The following STAC variants were observed in gnomAD, a reference collection of about 807,000 sequenced individuals.
STAC encodes SH3 and cysteine-rich domain-containing protein.
Under a neutral mutation model 48.8 loss-of-function variants are expected in STAC, and 43 were observed. The observed-to-expected ratio is 0.88, with a 90% CI of 0.69 to 1.14. STAC has a LOEUF of 1.14. Among genes scored for constraint, STAC ranks in the 50% most tolerant of loss-of-function variants. The pLI is 0.00. For missense variants in STAC, 497 were observed against 504.0 expected (o/e 0.99, Z 0.13); for synonymous variants, 193 against 179.5 (o/e 1.07, Z -0.60).
rs375874229 is a variant in STAC at position 36,452,385 on chromosome 3, A to G, written c.388+8745A>G. On this transcript the variant is annotated intron_variant, in intron 2 of 10. Coordinates refer to ENST00000273183, the MANE Select transcript of STAC (RefSeq NM_003149.3). Reference sequence around the variant, plus strand: ...CTTATGGCATTGTCTAAAGGGGTAAAGGAGACAGGTTGTGTAATGCAGTCA... The same window carrying G: ...CTTATGGCATTGTCTAAAGGGGTAAGGGAGACAGGTTGTGTAATGCAGTCA... Among the ~76,000 whole-genome samples the G allele has an allele frequency of 5.9e-5, 9 of 152,258 alleles. No homozygotes were observed. The East Asian group carries it at 1.7e-3, about 29-fold the overall frequency.
chr3:36,393,287 C>T (rs1699790115), intron 1 of STAC, among the ~76,000 whole-genome samples: 1 of 152,110 alleles, frequency 6.6e-6, no homozygotes, highest in South Asian at 2.1e-4. Flanking sequence ...CCCTCAACTC[C>T]CTTGCTCCTG....
At chr3:36,489,963 A>T (rs957481835) in intron 5 of STAC, among the ~76,000 whole-genome samples, 2 of 152,252 alleles carry the variant, frequency 1.3e-5, no homozygotes, top group African/African-American at 2.4e-5. Context: ...GTCTCTCAGA[A>T]CTGCAAAATC....
chr3:36,520,293 T>G (rs1404283283), intron 8 of STAC, among the ~76,000 whole-genome samples: 19 of 152,292 alleles, frequency 1.2e-4, no homozygotes, highest in Non-Finnish European at 2.9e-5. Context: ...GAGAGTCAAA[T>G]CCTACTTGGA....
chr3:36,431,939 T>C (rs573393427), intron 1 of STAC, among the ~76,000 whole-genome samples: 11 of 152,356 alleles, frequency 7.2e-5, no homozygotes, highest in Non-Finnish European at 1.6e-4. Context: ...GATTGGTCCT[T>C]GGAACCATCT....
intron 8 of STAC, among the ~76,000 whole-genome samples, chr3:36,521,463 C>T (rs1041436177): frequency 6.6e-6 from 1 of 152,114 alleles, no homozygotes; most frequent in Non-Finnish European, 1.5e-5. Context: ...ATCTCCATTA[C>T]AATCAGCCAC....
intron 8 of STAC, among the ~76,000 whole-genome samples, chr3:36,514,211 T>C (rs1449165028): frequency 8.4e-6 from 1 of 119,116 alleles, no homozygotes; most frequent in African/African-American, 3.4e-5. Flanking sequence ...CTTCTTTTTT[T>C]TTTTTTTTTT....
chr3:36,464,726 T>C (rs571802849), intron 2 of STAC, among the ~76,000 whole-genome samples: 19 of 152,284 alleles, frequency 1.2e-4, no homozygotes, highest in African/African-American at 4.6e-4. Context: ...CATTCCTGAG[T>C]TATTGGAACA....
intron 8 of STAC, among the ~76,000 whole-genome samples, chr3:36,520,153 T>C (rs1352923409): frequency 6.6e-6 from 1 of 152,154 alleles, no homozygotes; most frequent in Non-Finnish European, 1.5e-5. Context: ...ATCTCAGAGG[T>C]TACCCAAGCA....
At chr3:36,445,519 G>C (rs1465180829) in intron 2 of STAC, among the ~76,000 whole-genome samples, 2 of 152,106 alleles carry the variant, frequency 1.3e-5, no homozygotes, top group Non-Finnish European at 2.9e-5. Context: ...AAGAGGAAAA[G>C]AAATGGAGAT....
chr3:36,387,284 A>C (rs1055024881), intron 1 of STAC, among the ~76,000 whole-genome samples: 24 of 152,060 alleles, frequency 1.6e-4, no homozygotes, highest in African/African-American at 5.8e-4. Context: ...CCACGTAGAC[A>C]TCAAAACCAA....
intron 2 of STAC, among the ~76,000 whole-genome samples, chr3:36,448,689 G>A (rs983488624): frequency 1.3e-5 from 2 of 152,136 alleles, no homozygotes; most frequent in African/African-American, 4.8e-5. Flanking sequence ...CTGGAAGAAC[G>A]TTTAAACTCA....
At chr3:36,486,372 CACCTGCCAAAGAGA>C in intron 5 of STAC, 123 bp downstream of exon 5, 1 of 771,998 alleles carries the variant, frequency 1.3e-6, no homozygotes, top group Non-Finnish European at 2.0e-6. Flanking sequence ...GGGAGTCAGG[CACCTGCCAAAGAGA>C]AACCCAAAGT....
chr3:36,440,006 G>T (rs1202840870), intron 1 of STAC, among the ~76,000 whole-genome samples: 1 of 152,184 alleles, frequency 6.6e-6, no homozygotes, highest in Non-Finnish European at 1.5e-5. Flanking sequence ...AGAGGGAAAG[G>T]GACAAAAGTC....
At chr3:36,477,840 C>A (rs1200803864) in intron 2 of STAC, among the ~76,000 whole-genome samples, 1 of 152,130 alleles carries the variant, frequency 6.6e-6, no homozygotes, top group Non-Finnish European at 1.5e-5. Flanking sequence ...TGAGCTAGCC[C>A]CATGTTTTCG....
At chr3:36,380,826 C>T (rs1699493594) in intron 1 of STAC, 72 bp downstream of exon 1, 3 of 1,238,234 alleles carry the variant, frequency 2.4e-6, no homozygotes, top group South Asian at 1.4e-5. Context: ...TTTGTCTCTC[C>T]TCCTATCTAG....
intron 10 of STAC, among the ~76,000 whole-genome samples, chr3:36,535,999 G>A (rs2125500506): frequency 6.6e-6 from 1 of 152,224 alleles, no homozygotes; most frequent in South Asian, 2.1e-4. Context: ...AATTAGGGAG[G>A]GGTCCCTCCT....
At chr3:36,481,228 T>C (rs1697637979) in intron 2 of STAC, among the ~76,000 whole-genome samples, 1 of 152,156 alleles carries the variant, frequency 6.6e-6, no homozygotes, top group African/African-American at 2.4e-5. Flanking sequence ...CATGGAGGGA[T>C]TGGCCTGAGA....
intron 1 of STAC, among the ~76,000 whole-genome samples, chr3:36,416,009 T>C (rs994191593): frequency 1.3e-5 from 2 of 152,240 alleles, no homozygotes; most frequent in Admixed American, 1.3e-4. Context: ...TCTTAAAATC[T>C]AGTTGGGCTA....
At chr3:36,526,213 G>C (rs1447498251) in intron 8 of STAC, among the ~76,000 whole-genome samples, 2 of 152,138 alleles carry the variant, frequency 1.3e-5, no homozygotes, top group Admixed American at 6.5e-5. Context: ...GTGAGAGTCT[G>C]CAGTGGATTG....
Sources: allele counts gnomAD v4.1 joint callset (sites outside exome capture counted in the v4.1 genomes callset), GRCh38; gene constraint gnomAD v4.1.1; transcripts MANE v1.5; gene names NCBI Gene and HGNC (gene_info 2026-07-23, HGNC 2026-07-21).